The following CFAP45 variants were observed in gnomAD, a reference collection of about 807,000 sequenced individuals.
CFAP45 encodes cilia- and flagella-associated protein 45.
A neutral mutation model predicts 75.6 loss-of-function variants in CFAP45; 43 were observed. That is an observed-to-expected ratio of 0.57 (90% CI 0.45 to 0.73). The LOEUF is 0.73. CFAP45 is among the 30% of genes least tolerant of loss of function. The probability of loss-of-function intolerance (pLI) is 0.00; values close to 1 mark genes in which losing one functional copy is unlikely to be tolerated. For missense variants in CFAP45, 689 were observed against 701.5 expected, an observed-to-expected ratio of 0.98 and a Z score of 0.20; for synonymous variants, 223 against 244.6, an observed-to-expected ratio of 0.91 and a Z score of 0.82.
chr1:159,898,067 C>A, intron 1 of CFAP45: 2 of 975,940 alleles, frequency 2.0e-6, no homozygotes, highest in Non-Finnish European at 2.4e-6. Flanking sequence ...ATGTCTTACC[C>A]ATTCTGAGAT....
chr1:159,879,955 C>T (rs1483119126), intron 8 of CFAP45, among the ~76,000 whole-genome samples: 2 of 152,236 alleles, frequency 1.3e-5, no homozygotes, highest in Admixed American at 1.3e-4. Flanking sequence ...CCTTCTTCTA[C>T]TCTCCAATCC....
chr1:159,876,335 T>C, intron 10 of CFAP45: 1 of 590,224 alleles, frequency 1.7e-6, no homozygotes, highest in Non-Finnish European at 3.0e-6. Context: ...ACCAATTCCT[T>C]AAGCAATTCC....
chr1:159,898,078 C>T (rs116161343), intron 1 of CFAP45: 39,301 of 983,016 alleles, frequency 0.04, 841 homozygotes, highest in Non-Finnish European at 0.043. Context: ...ATTCTGAGAT[C>T]TAGTTCTTCT....
intron 1 of CFAP45, among the ~76,000 whole-genome samples, chr1:159,899,608 C>A (rs1209107890): frequency 6.6e-6 from 1 of 151,922 alleles, no homozygotes; most frequent in African/African-American, 2.4e-5. Flanking sequence ...GCTGGGACTA[C>A]AGGCGCCCGC....
At chr1:159,891,025 C>G (rs552034304) in intron 2 of CFAP45, among the ~76,000 whole-genome samples, 1 of 152,184 alleles carries the variant, frequency 6.6e-6, no homozygotes, top group Non-Finnish European at 1.5e-5. Flanking sequence ...TCCCAAAGTG[C>G]TGGGATTACA....
At chr1:159,873,494 A>C in intron 10 of CFAP45, 1 of 337,154 alleles carries the variant, frequency 3.0e-6, no homozygotes, top group Non-Finnish European at 5.6e-6. Flanking sequence ...GGGAGTCCAC[A>C]CTCTCTTGCT....
At chr1:159,896,705 AG>A (rs897673040) in intron 1 of CFAP45, among the ~76,000 whole-genome samples, 1 of 152,164 alleles carries the variant, frequency 6.6e-6, no homozygotes, top group East Asian at 1.9e-4. Context: ...CTGAGAAGGC[AG>A]GGGGTCTGGG....
chr1:159,899,614 C>G (rs1262338955), intron 1 of CFAP45, among the ~76,000 whole-genome samples: 1 of 151,968 alleles, frequency 6.6e-6, no homozygotes, highest in African/African-American at 2.4e-5. Flanking sequence ...ACTACAGGCG[C>G]CCGCCACCAC....
chr1:159,873,057 C>T lies in CFAP45; in HGVS notation c.1464G>A (p.Lys488=). The change falls in exon 11 of 12, where the codon AAG becomes AAA. Residue 488 remains lysine, a synonymous_variant. Transcript: ENST00000368099. ...AGGTGGCAATCCGGTTCTGCACTTC[C>T]TTCTGCTGGTTCTCGCGCACCTGGC... ...LRRQVRENQQ[K]EVQNRIATFE... 6.2e-7 allele frequency: 1 copy of T among 1,614,264 alleles called. No homozygotes were observed. Among genetic ancestry groups the T allele is most frequent in the Non-Finnish European group, 8.5e-7 (1 of 1,180,050 alleles).
In CFAP45 at chr1:159,884,474, G is replaced by A; in HGVS notation, c.859C>T (p.Leu287=). 6.2e-7 allele frequency: 1 copy of A among 1,613,816 alleles called. No individual in the cohort carries two copies. The highest frequency in any genetic ancestry group is 2.2e-5 in the East Asian group (1 of 44,876). ...EQREQEKEQM[L]EYMEQLQEED... is the part of the protein sequence containing the mutation. ...TCTTGGAGCTGTTCCATATATTCCA[G>A]CATCTGCTCCTTCTCCTGCTCCCGC... Residue 287 remains leucine (L), a synonymous_variant, in exon 7 of 12, where the codon CTG becomes TTG. Transcript: ENST00000368099.
intron 10 of CFAP45, among the ~76,000 whole-genome samples, chr1:159,874,919 C>A (rs1017215264): frequency 6.6e-6 from 1 of 152,222 alleles, no homozygotes; most frequent in Non-Finnish European, 1.5e-5. Flanking sequence ...GTATGGACAT[C>A]CCTCTGTCCA....
intron 10 of CFAP45, chr1:159,876,253 G>A: frequency 4.8e-6 from 2 of 419,434 alleles, no homozygotes; most frequent in East Asian, 4.7e-5. Context: ...TGGGTCAGAG[G>A]GCAGCAGAAT....
Position 159,887,721 on chromosome 1 carries a change from C to T in CFAP45, c.588+120G>A, listed in dbSNP as rs928117401. On this transcript the variant is annotated intron_variant, in intron 5 of 11. Coordinates refer to ENST00000368099, the MANE Select transcript of CFAP45 (RefSeq NM_012337.3). ...CAACTACCACAGCAGGTGCAGCTCTCCCCCGCCCCACCCCTGCCCACACCC... is the reference window on the plus strand; with the variant it reads ...CAACTACCACAGCAGGTGCAGCTCTTCCCCGCCCCACCCCTGCCCACACCC... 3 of 1,020,354 alleles carry T rather than the reference C, an allele frequency of 2.9e-6. No individual in the cohort carries two copies. The African/African-American group carries it at 4.8e-5, about 16-fold the overall frequency. 63.2% of individuals were successfully genotyped at this position (1,020,354 alleles called of 1,614,324 possible). A position where few individuals can be genotyped will look rare whatever the true frequency, so the allele number is the denominator to read the frequency against.
Position 159,872,525 on chromosome 1 carries a change from T to G in CFAP45, c.1616A>C (p.Glu539Ala). 6.2e-7 allele frequency: 1 copy of G among 1,614,118 alleles called. No homozygotes were observed. Among genetic ancestry groups the G allele is most frequent in the Non-Finnish European group, 8.5e-7 (1 of 1,180,002 alleles). ...GLPEKYCIEA[E>A]RKANILPATS... ...AGCTGGCAGGATGTTAGCTTTGCGC[T>G]CAGCTTCAATGCAGTACTTCTCGGG... is the stretch of plus-strand genomic sequence containing the variant. The change falls in exon 12 of 12, where the codon GAG becomes GCG. Residue 539 changes from glutamate (E) to alanine (A), a missense_variant. Coordinates refer to ENST00000368099, the MANE Select transcript of CFAP45 (RefSeq NM_012337.3).
At chr1:159,886,385 GTT>G in intron 6 of CFAP45, 124 bp downstream of exon 6, 1 of 853,780 alleles carries the variant, frequency 1.2e-6, no homozygotes, top group Non-Finnish European at 1.9e-6. Flanking sequence ...ACTTCGTAAA[GTT>G]TTGAGATAAT....
intron 5 of CFAP45, 23 bp from the exon 6 acceptor site, chr1:159,886,712 T>C (rs773617358): frequency 6.2e-6 from 10 of 1,602,212 alleles, no homozygotes; most frequent in South Asian, 5.5e-5. Context: ...GATTAAACTG[T>C]AGCACTAGGC....
At chr1:159,892,153 G>A (rs552050078) in intron 2 of CFAP45, among the ~76,000 whole-genome samples, 29 of 152,212 alleles carry the variant, frequency 1.9e-4, no homozygotes, top group African/African-American at 6.7e-4. Context: ...CAGGTGCAGT[G>A]GTGTGCACCT....
intron 10 of CFAP45, among the ~76,000 whole-genome samples, chr1:159,875,415 G>A (rs1396316754): frequency 6.6e-6 from 1 of 152,126 alleles, no homozygotes; most frequent in Non-Finnish European, 1.5e-5. Flanking sequence ...CAGAGCCAAA[G>A]GGTATCATGG....
intron 1 of CFAP45, among the ~76,000 whole-genome samples, chr1:159,898,819 A>G (rs950864613): frequency 1.3e-5 from 2 of 152,214 alleles, no homozygotes; most frequent in Non-Finnish European, 2.9e-5. Flanking sequence ...CACTGAATCA[A>G]ATAGAATACA....
Sources: allele counts gnomAD v4.1 joint callset (sites outside exome capture counted in the v4.1 genomes callset), GRCh38; gene constraint gnomAD v4.1.1; transcripts MANE v1.5; gene names NCBI Gene and HGNC (gene_info 2026-07-23, HGNC 2026-07-21).